Variants in EXT2 observed in about 807,000 individuals in gnomAD.
EXT2 encodes exostosin-2.
EXT2 carries 53 observed loss-of-function variants against 81.6 expected under a neutral mutation model. That is an observed-to-expected ratio of 0.65 (90% CI 0.52 to 0.82). The LOEUF is 0.82. Ranked by LOEUF, EXT2 falls within the 40% of genes least tolerant of loss-of-function variation. The probability of loss-of-function intolerance (pLI) is 0.00; values close to 1 mark genes in which losing one functional copy is unlikely to be tolerated. For synonymous variants in EXT2, 320 were observed against 340.0 expected (o/e 0.94, Z 0.65); for missense variants, 774 against 910.2 (o/e 0.85, Z 1.93).
intron 9 of EXT2, among the ~76,000 whole-genome samples, chr11:44,202,928 A>G (rs975157141): frequency 3.3e-5 from 5 of 152,236 alleles, no homozygotes; most frequent in African/African-American, 1.2e-4. Flanking sequence ...TCCTAAGGCC[A>G]TAGAGGCATC....
At chr11:44,199,942 A>G (rs1027550409) in intron 9 of EXT2, among the ~76,000 whole-genome samples, 3 of 152,106 alleles carry the variant, frequency 2.0e-5, no homozygotes, top group African/African-American at 7.2e-5. Flanking sequence ...TAATTTTGAC[A>G]TGTGTAGTGA....
intron 8 of EXT2, among the ~76,000 whole-genome samples, chr11:44,173,158 A>T (rs7112070): frequency 0.58 from 88,311 of 152,028 alleles, 26,047 homozygotes; most frequent in Middle Eastern, 0.72. Flanking sequence ...AGTGCTGTGG[A>T]TGCAAAGGGG....
chr11:44,137,581 G>C (rs115039353), intron 7 of EXT2, among the ~76,000 whole-genome samples: 1,716 of 151,804 alleles, frequency 0.011, 41 homozygotes, highest in African/African-American at 0.039. Flanking sequence ...TCACAGTCTA[G>C]ATGGAGAGAC....
chr11:44,179,192 A>C (rs1379262426), intron 8 of EXT2, among the ~76,000 whole-genome samples: 1 of 152,182 alleles, frequency 6.6e-6, no homozygotes, highest in Non-Finnish European at 1.5e-5. Context: ...GAATATGAAA[A>C]GACGGACTCG....
intron 7 of EXT2, among the ~76,000 whole-genome samples, chr11:44,138,540 G>A (rs973512995): frequency 2.6e-5 from 4 of 151,942 alleles, no homozygotes; most frequent in African/African-American, 9.7e-5. Flanking sequence ...AGTGGGTCAC[G>A]ACTGGCATTT....
At chr11:44,189,487 G>A (rs909258184) in intron 8 of EXT2, among the ~76,000 whole-genome samples, 3 of 152,182 alleles carry the variant, frequency 2.0e-5, no homozygotes, top group African/African-American at 7.2e-5. Context: ...TGCTTCTGGG[G>A]AAGCCACAGG....
chr11:44,219,866 A>C (rs945955902), intron 10 of EXT2, among the ~76,000 whole-genome samples: 1 of 152,240 alleles, frequency 6.6e-6, no homozygotes, highest in East Asian at 1.9e-4. Flanking sequence ...CAGTGCATCC[A>C]CTTCCAATAA....
At chr11:44,233,900 G>A (rs1955927668) in intron 11 of EXT2, among the ~76,000 whole-genome samples, 1 of 152,118 alleles carries the variant, frequency 6.6e-6, no homozygotes, top group Non-Finnish European at 1.5e-5. Flanking sequence ...ACTTTAAAAA[G>A]CACACACTTT....
chr11:44,109,942 C>G (rs1484967759), intron 3 of EXT2, among the ~76,000 whole-genome samples: 1 of 152,156 alleles, frequency 6.6e-6, no homozygotes, highest in African/African-American at 2.4e-5. Flanking sequence ...TTGGAAAGCT[C>G]TGGTATGAGG....
chr11:44,215,611 A>G (rs190205329), intron 10 of EXT2, among the ~76,000 whole-genome samples: 1 of 152,312 alleles, frequency 6.6e-6, no homozygotes, highest in African/African-American at 2.4e-5. Context: ...AAGTCTAGCT[A>G]CCTCAGCACC....
At chr11:44,159,059 G>A (rs912903669) in intron 7 of EXT2, among the ~76,000 whole-genome samples, 1 of 149,802 alleles carries the variant, frequency 6.7e-6, no homozygotes, top group African/African-American at 2.4e-5. Flanking sequence ...CATATGCTAG[G>A]TGTGGTTTTT....
intron 1 of EXT2, among the ~76,000 whole-genome samples, chr11:44,105,514 A>G (rs574757105): frequency 6.6e-6 from 1 of 151,206 alleles, no homozygotes; most frequent in East Asian, 1.9e-4. Context: ...CTGGTCTTGA[A>G]CTCCTGATCT....
chr11:44,203,906 A>G (rs186133464), intron 9 of EXT2, among the ~76,000 whole-genome samples: 2 of 152,254 alleles, frequency 1.3e-5, no homozygotes, highest in East Asian at 1.9e-4. Flanking sequence ...CAGTTCAGCT[A>G]TCACTAACAG....
Position 44,247,366 on chromosome 11 carries a change from C to T in EXT2, c.*3079C>T, listed in dbSNP as rs191921540. 4.5e-4 allele frequency among the ~76,000 whole-genome samples: 68 copies of T among 151,878 alleles called. No homozygotes were observed. Among genetic ancestry groups the T allele is most frequent in the African/African-American group, 1.6e-3 (66 of 41,434 alleles). ...CCAGGTTCAAGTGATTCTCCTGCCTCAGCCTCCTGAGTAGCTGGGATTACA... is the reference window on the plus strand; with the variant it reads ...CCAGGTTCAAGTGATTCTCCTGCCTTAGCCTCCTGAGTAGCTGGGATTACA... On this transcript the variant is annotated 3_prime_UTR_variant, in exon 14 of 14. Coordinates refer to ENST00000533608, the MANE Select transcript of EXT2 (RefSeq NM_207122.2).
chr11:44,242,879 C>T (rs1211503786), intron 13 of EXT2, among the ~76,000 whole-genome samples: 1 of 152,048 alleles, frequency 6.6e-6, no homozygotes, highest in Non-Finnish European at 1.5e-5. Flanking sequence ...GTTATTTATC[C>T]TCTCTGTATC....
chr11:44,107,648 A>G (rs1954073848), intron 1 of EXT2, 35 bp from the exon 2 acceptor site: 9 of 1,578,118 alleles, frequency 5.7e-6, no homozygotes, highest in Non-Finnish European at 7.8e-6. Flanking sequence ...CATCCTAAAT[A>G]CTTGGTTTTT....
intron 9 of EXT2, among the ~76,000 whole-genome samples, chr11:44,200,161 A>C (rs975340269): frequency 5.9e-5 from 9 of 152,082 alleles, no homozygotes; most frequent in South Asian, 2.1e-4. Flanking sequence ...TAAAAAAAAA[A>C]AAAAGCAAGT....
At chr11:44,211,845 T>G (rs7122331) in intron 10 of EXT2, among the ~76,000 whole-genome samples, 139,288 of 152,242 alleles carry the variant, frequency 0.91, 63,810 homozygotes, top group East Asian at 0.99. Flanking sequence ...ATGTAAATGT[T>G]TATGGAGCTA....
chr11:44,149,774 C>T (rs78392483), intron 7 of EXT2, among the ~76,000 whole-genome samples: 2,828 of 152,216 alleles, frequency 0.019, 58 homozygotes, highest in African/African-American at 0.048. Flanking sequence ...TAATATGCTT[C>T]GAAATGGATG....
Sources: gnomAD v4.1 joint callset for allele counts (sites outside exome capture counted in the v4.1 genomes callset) on GRCh38, gnomAD v4.1.1 for gene constraint, MANE v1.5 for transcripts, NCBI Gene and HGNC (gene_info 2026-07-23, HGNC 2026-07-21) for gene names.